The following FAM163A variants were observed in gnomAD, a reference collection of about 807,000 sequenced individuals.
FAM163A encodes the protein protein FAM163A.
FAM163A carries 7 observed loss-of-function variants against 12.0 expected under a neutral mutation model. That is an observed-to-expected ratio of 0.58 (90% CI 0.33 to 1.10). The LOEUF (loss-of-function observed/expected upper bound fraction) is 1.10. Among genes scored for constraint, FAM163A ranks in the 50% least tolerant of loss-of-function variants. FAM163A has a pLI of 0.03. For synonymous variants in FAM163A, 101 were observed against 91.0 expected (o/e 1.11, Z -0.62); for missense variants, 202 against 218.6 (o/e 0.92, Z 0.48).
At chr1:179,811,225 G>A (rs554864848) in intron 2 of FAM163A, among the ~76,000 whole-genome samples, 1 of 152,298 alleles carries the variant, frequency 6.6e-6, no homozygotes, top group South Asian at 2.1e-4. Context: ...TGTGGTGCAT[G>A]AGAGTCACAG....
At chr1:179,793,483 A>G (rs1691815264) in intron 1 of FAM163A, among the ~76,000 whole-genome samples, 1 of 152,240 alleles carries the variant, frequency 6.6e-6, no homozygotes, top group Admixed American at 6.5e-5. Flanking sequence ...TGAAGCACAG[A>G]AATGAGAAAA....
intron 1 of FAM163A, among the ~76,000 whole-genome samples, chr1:179,795,045 G>A (rs565593165): frequency 9.7e-4 from 147 of 152,188 alleles, no homozygotes; most frequent in African/African-American, 3.2e-3. Flanking sequence ...ATATGCACAC[G>A]ACAAACTCTT....
intron 1 of FAM163A, among the ~76,000 whole-genome samples, chr1:179,744,318 C>G (rs1388901344): frequency 1.3e-5 from 2 of 151,996 alleles, no homozygotes; most frequent in South Asian, 2.1e-4. Flanking sequence ...GCCCCGCGGC[C>G]CAGAGGGGGG....
intron 1 of FAM163A, among the ~76,000 whole-genome samples, chr1:179,759,674 T>C (rs2504050): frequency 0.75 from 110,852 of 148,764 alleles, 41,278 homozygotes; most frequent in East Asian, 1. Context: ...CTAGATCCCC[T>C]TTTTTTTTTT....
chr1:179,787,728 G>C (rs1162080136), intron 1 of FAM163A, among the ~76,000 whole-genome samples: 1 of 152,212 alleles, frequency 6.6e-6, no homozygotes, highest in East Asian at 1.9e-4. Context: ...TCTGGTGGCA[G>C]AATGGAGAAG....
upstream of FAM163A, among the ~76,000 whole-genome samples, chr1:179,740,172 T>TTTGTTGTTGTTGTTG (rs58589037): frequency 2.0e-5 from 3 of 150,926 alleles, no homozygotes; most frequent in African/African-American, 7.3e-5. Context: ...TTATTTGGTT[T>TTTGTTGTTGTTGTTG]TTGTTGTTGT....
In FAM163A at chr1:179,814,510, G is replaced by A; in HGVS notation, c.*321G>A. Reference sequence around the variant, plus strand: ...CAGTGTGCCCCAGTCCCCTGGATTCGCTGGACTGCAAAAAGGAGCACCAGG... The same window carrying A: ...CAGTGTGCCCCAGTCCCCTGGATTCACTGGACTGCAAAAAGGAGCACCAGG... On this transcript the variant is annotated 3_prime_UTR_variant, in exon 5 of 5. Coordinates refer to ENST00000341785, the MANE Select transcript of FAM163A (RefSeq NM_173509.3). 3.7e-6 allele frequency: 1 copy of A among 267,974 alleles called. No homozygotes were observed. The highest frequency in any genetic ancestry group is 7.1e-6 in the Non-Finnish European group (1 of 141,540). The allele number at this position is 267,974 out of a possible 1,614,324, so 16.6% of individuals were successfully genotyped here.
At chr1:179,764,597 G>A (rs1295441197) in intron 1 of FAM163A, among the ~76,000 whole-genome samples, 1 of 152,196 alleles carries the variant, frequency 6.6e-6, no homozygotes, top group African/African-American at 2.4e-5. Flanking sequence ...ATGACTAAAA[G>A]TTTGAAATCC....
At chr1:179,805,922 T>C (rs1220405043) in intron 1 of FAM163A, among the ~76,000 whole-genome samples, 1 of 152,220 alleles carries the variant, frequency 6.6e-6, no homozygotes, top group Admixed American at 6.5e-5. Context: ...AGGAGTCTTT[T>C]GCAACCCCTT....
chr1:179,797,657 C>G (rs989600445), intron 1 of FAM163A, among the ~76,000 whole-genome samples: 1 of 151,936 alleles, frequency 6.6e-6, no homozygotes, highest in Non-Finnish European at 1.5e-5. Context: ...ACAATGTGTA[C>G]CTATATTAAA....
At chr1:179,770,768 A>G (rs1429580551) in intron 1 of FAM163A, among the ~76,000 whole-genome samples, 1 of 151,680 alleles carries the variant, frequency 6.6e-6, no homozygotes, top group Non-Finnish European at 1.5e-5. Flanking sequence ...CCTCTCCCCA[A>G]GTCAGGTTGG....
rs559367497 is a variant in FAM163A, at chr1:179,783,789, T to C, written c.-135-24009T>C. Among the ~76,000 whole-genome samples, 70 of 146,210 alleles carry C rather than the reference T, an allele frequency of 4.8e-4. No individual in the cohort carries two copies. In the East Asian group the frequency reaches 0.013, roughly 26 times the overall value. On this transcript the variant is annotated intron_variant, in intron 1 of 4. Transcript: ENST00000341785. ...AATTTATTATATATATATTATATAA[T>C]TTATTATATAATATATAATTCCCAA...
At chr1:179,809,506 G>A (rs1227290666) in intron 2 of FAM163A, among the ~76,000 whole-genome samples, 1 of 152,172 alleles carries the variant, frequency 6.6e-6, no homozygotes, top group Non-Finnish European at 1.5e-5. Context: ...GGTGATCCTC[G>A]AACCTGGGCC....
chr1:179,812,732 G>A (rs1694870171), intron 3 of FAM163A, among the ~76,000 whole-genome samples: 1 of 152,236 alleles, frequency 6.6e-6, no homozygotes, highest in African/African-American at 2.4e-5. Flanking sequence ...GCCACACAGG[G>A]AGGAGCCCCG....
chr1:179,730,128 G>A, the FAM163A span: 990 of 152,322 alleles, frequency 6.5e-3, 6 homozygotes, highest in Non-Finnish European at 7.8e-3. Flanking sequence ...CTATCCTGAT[G>A]TCACAGTCAC....
upstream of FAM163A, chr1:179,742,123 G>A (rs1475870996): frequency 6.6e-6 from 1 of 152,158 alleles, no homozygotes; most frequent in African/African-American, 2.4e-5. Flanking sequence ...AAAGTGGAGT[G>A]TGCTGCAACA....
chr1:179,810,736 A>G (rs1694597440), intron 2 of FAM163A, among the ~76,000 whole-genome samples: 1 of 152,082 alleles, frequency 6.6e-6, no homozygotes, highest in African/African-American at 2.4e-5. Context: ...TCACTAGGCA[A>G]TAAGCTGCTT....
intron 1 of FAM163A, among the ~76,000 whole-genome samples, chr1:179,749,668 A>G (rs909768876): frequency 6.6e-6 from 1 of 151,222 alleles, no homozygotes; most frequent in Non-Finnish European, 1.5e-5. Context: ...TCTGGCCAAC[A>G]TGGTGAAACT....
chr1:179,796,132 T>TACACACACACACACACAC (rs35899165), intron 1 of FAM163A, among the ~76,000 whole-genome samples: 5 of 145,450 alleles, frequency 3.4e-5, no homozygotes, highest in African/African-American at 1.3e-4. Context: ...CATTCAATAA[T>TACACACACACACACACAC]ACACACACAC....
Sources: allele counts gnomAD v4.1 joint callset (sites outside exome capture counted in the v4.1 genomes callset), GRCh38; gene constraint gnomAD v4.1.1; transcripts MANE v1.5; gene names NCBI Gene and HGNC (gene_info 2026-07-23, HGNC 2026-07-21).